Variants in KCNAB1 observed in about 807,000 individuals in gnomAD.
KCNAB1 encodes voltage-gated potassium channel subunit beta-1.
In KCNAB1, 35 loss-of-function variants were observed where a neutral mutation model predicts 64.6. The ratio of observed to expected loss-of-function variants is 0.54; its 90% CI spans 0.41 to 0.72. The LOEUF is 0.72. Ranked by LOEUF, KCNAB1 falls within the 30% of genes least tolerant of loss-of-function variation. The pLI is 0.00. For missense variants in KCNAB1, 401 were observed against 512.9 expected (o/e 0.78, Z 2.11); for synonymous variants, 177 against 183.8 (o/e 0.96, Z 0.30).
intron 1 of KCNAB1, among the ~76,000 whole-genome samples, chr3:156,243,820 A>G (rs572465602): frequency 4.6e-5 from 7 of 152,360 alleles, no homozygotes; most frequent in African/African-American, 1.7e-4. Context: ...TCAGAAGGTC[A>G]CAGTAATCAG....
intron 1 of KCNAB1, among the ~76,000 whole-genome samples, chr3:156,148,900 G>A (rs1715219740): frequency 6.6e-6 from 1 of 150,830 alleles, no homozygotes; most frequent in South Asian, 2.1e-4. Flanking sequence ...TACTCAGAAA[G>A]TGTTTGTTTT....
intron 1 of KCNAB1, among the ~76,000 whole-genome samples, chr3:156,199,083 G>A (rs959969382): frequency 5.3e-5 from 8 of 151,770 alleles, no homozygotes; most frequent in Non-Finnish European, 1.2e-4. Context: ...ATGAAGCTTA[G>A]TTTGGCTGGA....
At chr3:156,337,181 G>A (rs1723772462) in intron 1 of KCNAB1, among the ~76,000 whole-genome samples, 1 of 152,126 alleles carries the variant, frequency 6.6e-6, no homozygotes, top group Non-Finnish European at 1.5e-5. Flanking sequence ...AAATAAAATT[G>A]CATTATATGC....
intron 1 of KCNAB1, among the ~76,000 whole-genome samples, chr3:156,174,101 A>T (rs762803366): frequency 2.0e-5 from 3 of 152,090 alleles, no homozygotes; most frequent in African/African-American, 4.8e-5. Flanking sequence ...CATATGAACA[A>T]ATTCCTTGTA....
At chr3:156,303,516 G>C (rs572402635) in intron 1 of KCNAB1, among the ~76,000 whole-genome samples, 1 of 152,270 alleles carries the variant, frequency 6.6e-6, no homozygotes, top group East Asian at 1.9e-4. Context: ...GGGGGACCTT[G>C]CTGATTGTGA....
chr3:156,409,117 C>T (rs1332936009), intron 1 of KCNAB1, among the ~76,000 whole-genome samples: 1 of 152,138 alleles, frequency 6.6e-6, no homozygotes, highest in Non-Finnish European at 1.5e-5. Flanking sequence ...TATGTTGATA[C>T]TAAAGTTGAA....
At chr3:156,470,254 A>G (rs1459643481) in intron 7 of KCNAB1, among the ~76,000 whole-genome samples, 2 of 152,226 alleles carry the variant, frequency 1.3e-5, no homozygotes, top group Non-Finnish European at 2.9e-5. Flanking sequence ...ACTCATTTAG[A>G]ATCACAAAGT....
chr3:156,387,014 C>CTCTTTTTTTTTTTTTTTTTTTTTTTT (rs60888308), intron 1 of KCNAB1, among the ~76,000 whole-genome samples: 10 of 90,522 alleles, frequency 1.1e-4, no homozygotes, highest in South Asian at 3.4e-4. Context: ...TTCTCTCTCT[C>CTCTTTTTTTTTTTTTTTTTTTTTTTT]TTTTTTTTTT....
At chr3:156,294,132 T>C (rs1576687288) in intron 1 of KCNAB1, among the ~76,000 whole-genome samples, 1 of 152,208 alleles carries the variant, frequency 6.6e-6, no homozygotes, top group East Asian at 1.9e-4. Context: ...CATTAAGGTT[T>C]TTCTGGTGGC....
At chr3:156,188,337 C>T (rs1039105455) in intron 1 of KCNAB1, among the ~76,000 whole-genome samples, 3 of 151,898 alleles carry the variant, frequency 2.0e-5, no homozygotes, top group Non-Finnish European at 4.4e-5. Context: ...TTTAGTGGAC[C>T]TCCTTTTGGT....
intron 12 of KCNAB1, among the ~76,000 whole-genome samples, chr3:156,525,428 C>A (rs1403359707): frequency 6.6e-6 from 1 of 151,704 alleles, no homozygotes; most frequent in Admixed American, 6.6e-5. Flanking sequence ...AAGCTTATAA[C>A]AATATAAAGA....
chr3:156,495,700 TAAG>T (rs1258310129), intron 8 of KCNAB1, among the ~76,000 whole-genome samples: 2 of 152,116 alleles, frequency 1.3e-5, no homozygotes, highest in Admixed American at 6.6e-5. Context: ...ATGTGCGAAA[TAAG>T]AATAACAGTA....
intron 1 of KCNAB1, among the ~76,000 whole-genome samples, chr3:156,159,899 A>G (rs79392758): frequency 1.0e-3 from 156 of 152,376 alleles, no homozygotes; most frequent in African/African-American, 3.3e-3. Flanking sequence ...AGTTTACAAC[A>G]GTAAAAGACA....
At position 156,151,770 on chromosome 3, in the gene KCNAB1, TATG is replaced by T. The variant is rs149908362; in HGVS notation, c.275+30887_275+30889del. 1.7e-3 allele frequency among the ~76,000 whole-genome samples: 256 copies of T among 152,358 alleles called. 1 individual carries two copies. The highest frequency in any genetic ancestry group is 6.0e-3 in the African/African-American group (249 of 41,580). On this transcript the variant is annotated intron_variant, in intron 1 of 13. Transcript: ENST00000490337. ...ACAACTTTGGTAAAATTTACATAAA[TATG>T]ATATTTTAATCTACCATTGTATTCT... is the stretch of plus-strand genomic sequence containing the variant.
At chr3:156,418,586 G>A (rs1715256000) in intron 1 of KCNAB1, among the ~76,000 whole-genome samples, 1 of 152,116 alleles carries the variant, frequency 6.6e-6, no homozygotes, top group African/African-American at 2.4e-5. Flanking sequence ...AAATCATGTT[G>A]GGATTTCATG....
rs181433476 is a variant in KCNAB1, at chr3:156,252,461, G to A, written c.275+131575G>A. 6.9e-4 allele frequency among the ~76,000 whole-genome samples: 105 copies of A among 152,290 alleles called. 4 individuals are homozygous for A. Among genetic ancestry groups the A allele is most frequent in the Admixed American group, 5.9e-3 (91 of 15,296 alleles). ...CCTGAATCTACAGGAGAAAGGCACA[G>A]CTAATGGATTTGTTTTTGACAGCAC... On this transcript the variant is annotated intron_variant, in intron 1 of 13. Transcript: ENST00000490337.
chr3:156,407,653 T>A (rs139827347), intron 1 of KCNAB1, among the ~76,000 whole-genome samples: 1 of 152,360 alleles, frequency 6.6e-6, no homozygotes, highest in East Asian at 1.9e-4. Context: ...TGAATTGTGC[T>A]GAAAGTCACT....
intron 1 of KCNAB1, among the ~76,000 whole-genome samples, chr3:156,181,346 A>T (rs1362483931): frequency 1.3e-5 from 2 of 152,176 alleles, no homozygotes; most frequent in Non-Finnish European, 2.9e-5. Flanking sequence ...GGGAGAAATT[A>T]AGTAACCCAA....
At chr3:156,438,257 C>T (rs999112416) in intron 2 of KCNAB1, among the ~76,000 whole-genome samples, 3 of 152,164 alleles carry the variant, frequency 2.0e-5, no homozygotes, top group African/African-American at 7.2e-5. Context: ...CATTTTTCTT[C>T]CCAGGCAGCT....
Sources: gnomAD v4.1 joint callset for allele counts (sites outside exome capture counted in the v4.1 genomes callset) on GRCh38, gnomAD v4.1.1 for gene constraint, MANE v1.5 for transcripts, NCBI Gene and HGNC (gene_info 2026-07-23, HGNC 2026-07-21) for gene names.